The following SEC62 variants were observed in gnomAD, a reference collection of about 807,000 sequenced individuals.
SEC62 encodes translocation protein SEC62.
SEC62 carries 10 observed loss-of-function variants against 47.5 expected under a neutral mutation model. The observed-to-expected ratio is 0.21, with a 90% confidence interval of 0.13 to 0.36. The LOEUF (loss-of-function observed/expected upper bound fraction) is 0.36, where lower values mean the gene tolerates loss of function less well. SEC62 is among the 10% of genes least tolerant of loss of function. The probability of loss-of-function intolerance (pLI) is 1.00; values close to 1 mark genes in which losing one functional copy is unlikely to be tolerated. For missense variants in SEC62, 327 were observed against 464.1 expected, an observed-to-expected ratio of 0.70 and a Z score of 2.71; for synonymous variants, 136 against 150.5, an observed-to-expected ratio of 0.90 and a Z score of 0.71.
chr3:169,972,865 T>C (rs547301162), intron 1 of SEC62, among the ~76,000 whole-genome samples: 2 of 152,228 alleles, frequency 1.3e-5, no homozygotes, highest in Non-Finnish European at 2.9e-5. Flanking sequence ...CCAAAGATGA[T>C]AGGGTGAGTA....
At chr3:169,981,341 C>G (rs1160133877) in intron 3 of SEC62, among the ~76,000 whole-genome samples, 1 of 152,198 alleles carries the variant, frequency 6.6e-6, no homozygotes, top group African/African-American at 2.4e-5. Flanking sequence ...GAAGCCCAGC[C>G]AGGCAGGTAA....
chr3:169,991,152 T>C (rs1030401519), intron 7 of SEC62, among the ~76,000 whole-genome samples: 2 of 152,230 alleles, frequency 1.3e-5, no homozygotes, highest in Admixed American at 1.3e-4. Context: ...TACAGTGTTA[T>C]AAAAGAGTAA....
chr3:169,966,955 G>A (rs1714541681), intron 1 of SEC62, 97 bp downstream of exon 1: 2 of 985,908 alleles, frequency 2.0e-6, no homozygotes, highest in South Asian at 1.7e-5. Context: ...GCAAGGGCGA[G>A]GTGGGGTGGG....
chr3:169,977,052 G>A lies in SEC62; in HGVS notation c.251+1G>A. 1 of 1,590,810 alleles carries A rather than the reference G, an allele frequency of 6.3e-7. No individual in the cohort carries two copies. Among genetic ancestry groups the A allele is most frequent in the South Asian group, 1.1e-5 (1 of 88,606 alleles). The stretch of plus-strand genomic sequence containing the variant: ...AGTCTGTGGTTGACTACTGCAACAG[G>A]TACTGTTTATTTCTTAGTGAAGAAT... On this transcript the variant is annotated splice_donor_variant, in intron 3 of 7. Coordinates refer to ENST00000337002, the MANE Select transcript of SEC62 (RefSeq NM_003262.4). LOFTEE classifies it high-confidence loss of function.
intron 5 of SEC62, 26 bp from the exon 6 acceptor site, chr3:169,985,779 G>T (rs1295917952): frequency 6.3e-7 from 1 of 1,592,356 alleles, no homozygotes; most frequent in Non-Finnish European, 8.6e-7. Flanking sequence ...GAACTTTTAA[G>T]CACCGAGGTT....
At position 169,992,788 on chromosome 3, in the gene SEC62, A is replaced by G. The variant is rs765856488; in HGVS notation, c.925A>G (p.Ser309Gly). 1.2e-6 allele frequency: 2 copies of G among 1,614,190 alleles called. No individual in the cohort carries two copies. Among genetic ancestry groups the G allele is most frequent in the Admixed American group, 1.7e-5 (1 of 60,010 alleles). ...AACCAAAAAGCAACAGAAGTCCGAC[A>G]GTGAGGAAAAGTCAGACAGTGAGAA... ...SETKKQQKSD[S>G]EEKSDSEKKE... is the part of the protein sequence containing the mutation. Residue 309 changes from serine (S) to glycine (G), a missense_variant, in exon 8 of 8, where the codon AGT becomes GGT. Ser to Gly is a moderately conservative substitution (Grantham distance 56). This residue lies in a region of SEC62 where 102 missense variants were observed against 108.8 expected (regional missense o/e 0.94). Transcript: ENST00000337002. This position sits in a 1 kb window ranked among gnomAD's most constrained non-coding sequence, Gnocchi z 4.0.
chr3:169,968,551 A>G (rs1162117157), intron 1 of SEC62: 1 of 151,500 alleles, frequency 6.6e-6, no homozygotes, highest in Non-Finnish European at 1.5e-5. Context: ...AAAAAAAAGC[A>G]AGAAAAAAGA....
chr3:169,969,281 AT>A (rs935767980), intron 1 of SEC62: 1 of 454,642 alleles, frequency 2.2e-6, no homozygotes, highest in Non-Finnish European at 4.4e-6. Flanking sequence ...TTTCTTTGTA[AT>A]TCAGTATAAT....
rs1322107022 is a variant in SEC62 at position 169,997,732 on chromosome 3, T to C, written c.*4669T>C. 1 of 152,226 alleles carries C rather than the reference T, an allele frequency of 6.6e-6. No homozygotes were observed. The highest frequency in any genetic ancestry group is 2.4e-5 in the African/African-American group (1 of 41,410). The allele number at this position is 152,226 out of a possible 1,614,324, so 9.4% of individuals were successfully genotyped here. Reference sequence around the variant, plus strand: ...ATCCACCTGCCTCGGCCTCCCAAAGTGCTGGGATTACAGGCATGAGCCACC... The same window carrying C: ...ATCCACCTGCCTCGGCCTCCCAAAGCGCTGGGATTACAGGCATGAGCCACC... On this transcript the variant is annotated 3_prime_UTR_variant, in exon 8 of 8. Coordinates refer to ENST00000337002, the MANE Select transcript of SEC62 (RefSeq NM_003262.4).
In SEC62 at chr3:169,994,603, C is replaced by G. The variant is rs535999988; in HGVS notation, c.*1540C>G. 6.6e-6 allele frequency: 1 copy of G among 152,244 alleles called. No individual in the cohort carries two copies. The highest frequency in any genetic ancestry group is 2.1e-4 in the South Asian group (1 of 4,826). The allele number at this position is 152,244 out of a possible 1,614,324, so 9.4% of individuals were successfully genotyped here. ...AATCACTTTAATAGTTTCTTTTTAGCAAATAAATGTTCATTGATGAAGTGC... is the reference window on the plus strand; with the variant it reads ...AATCACTTTAATAGTTTCTTTTTAGGAAATAAATGTTCATTGATGAAGTGC... On this transcript the variant is annotated 3_prime_UTR_variant, in exon 8 of 8. Coordinates refer to ENST00000337002, the MANE Select transcript of SEC62 (RefSeq NM_003262.4).
At chr3:169,970,362 T>C (rs1213297951) in intron 1 of SEC62, among the ~76,000 whole-genome samples, 3 of 152,236 alleles carry the variant, frequency 2.0e-5, no homozygotes. Flanking sequence ...TCTTTTTTGC[T>C]CAGTTCATGG....
At chr3:169,970,958 T>C (rs1475050221) in intron 1 of SEC62, among the ~76,000 whole-genome samples, 1 of 152,208 alleles carries the variant, frequency 6.6e-6, no homozygotes, top group Non-Finnish European at 1.5e-5. Flanking sequence ...GTAAAACTTT[T>C]ATACCTTCTT....
chr3:169,988,710 C>A lies in SEC62; in HGVS notation c.730+351C>A, dbSNP rs185149538. Among the ~76,000 whole-genome samples the A allele has an allele frequency of 1.0e-3, 156 of 152,068 alleles. 1 individual carries two copies. Among genetic ancestry groups the A allele is most frequent in the Non-Finnish European group, 1.8e-3 (120 of 68,002 alleles). On this transcript the variant is annotated intron_variant, in intron 7 of 7. Coordinates refer to ENST00000337002, the MANE Select transcript of SEC62 (RefSeq NM_003262.4). The stretch of plus-strand genomic sequence containing the variant: ...ATTAGCATATTGATCACCTTTCTTG[C>A]CTATCATTTATTGTGAGACATTTGA...
In SEC62 at chr3:169,982,157, A is replaced by G. The variant is rs150662935; in HGVS notation, c.252-550A>G. On this transcript the variant is annotated intron_variant, in intron 3 of 7. Transcript: ENST00000337002. ...TTGTGCACGTCCTTTTCAGAGTCCA[A>G]AAATCTCACCTTAGTATATTTAATC... Among the ~76,000 whole-genome samples the G allele has an allele frequency of 5.9e-5, 9 of 152,320 alleles. 1 individual carries two copies. The highest frequency in any genetic ancestry group is 1.9e-4 in the East Asian group (1 of 5,194).
chr3:169,977,882 A>G (rs1357807267), intron 3 of SEC62, among the ~76,000 whole-genome samples: 2 of 152,208 alleles, frequency 1.3e-5, no homozygotes, highest in South Asian at 2.1e-4. Flanking sequence ...AAAAACCACT[A>G]TTTCACAACC....
intron 1 of SEC62, among the ~76,000 whole-genome samples, chr3:169,967,702 C>T (rs1248138911): frequency 6.6e-6 from 1 of 152,140 alleles, no homozygotes; most frequent in Non-Finnish European, 1.5e-5. Flanking sequence ...ATCTTGGACT[C>T]AGGATATTTA....
At position 169,983,273 on chromosome 3, in the gene SEC62, T is replaced by G; in HGVS notation, c.549+20T>G. On this transcript the variant is annotated intron_variant, in intron 5 of 7. Transcript: ENST00000337002. ...AATGAGGTGAGAGTAAGCCTATAACTAGAAGTTCAGTTTTCTATAGGAGTT... is the reference window on the plus strand; with the variant it reads ...AATGAGGTGAGAGTAAGCCTATAACGAGAAGTTCAGTTTTCTATAGGAGTT... The G allele has an allele frequency of 1.3e-6, 2 of 1,544,586 alleles. No homozygotes were observed. The highest frequency in any genetic ancestry group is 1.8e-6 in the Non-Finnish European group (2 of 1,135,900).
intron 7 of SEC62, among the ~76,000 whole-genome samples, chr3:169,989,239 G>T (rs1387215405): frequency 4.4e-5 from 5 of 113,330 alleles, no homozygotes; most frequent in Non-Finnish European, 9.5e-5. Flanking sequence ...GAGTACTGGT[G>T]CATTTCATCA....
intron 1 of SEC62, among the ~76,000 whole-genome samples, chr3:169,970,335 C>T (rs957648791): frequency 3.3e-5 from 5 of 152,158 alleles, no homozygotes; most frequent in African/African-American, 1.2e-4. Context: ...TTTTATACTG[C>T]TTGAACCAAG....
Sources: allele counts gnomAD v4.1 joint callset (sites outside exome capture counted in the v4.1 genomes callset), GRCh38; gene constraint gnomAD v4.1.1; regional missense constraint gnomAD v4.1.1; non-coding constraint Gnocchi (gnomAD v3.1); transcripts MANE v1.5; gene names NCBI Gene and HGNC (gene_info 2026-07-23, HGNC 2026-07-21).